Variants in EMC2 observed in about 807,000 individuals in gnomAD.
The protein encoded by EMC2 is ER membrane protein complex subunit 2.
Under a neutral mutation model 51.6 loss-of-function variants are expected in EMC2, and 37 were observed. The ratio of observed to expected loss-of-function variants is 0.72; its 90% CI spans 0.55 to 0.94. The LOEUF (loss-of-function observed/expected upper bound fraction) is 0.94, where lower values mean the gene tolerates loss of function less well. Among genes scored for constraint, EMC2 ranks in the 40% least tolerant of loss-of-function variants. The pLI is 0.00. For missense variants in EMC2, 359 were observed against 350.9 expected (o/e 1.02, Z -0.18); for synonymous variants, 131 against 112.4 (o/e 1.17, Z -1.04).
intron 5 of EMC2, among the ~76,000 whole-genome samples, chr8:108,459,633 C>T (rs1326730029): frequency 6.6e-6 from 1 of 151,500 alleles, no homozygotes; most frequent in Non-Finnish European, 1.5e-5. Flanking sequence ...TGGGTTCTTC[C>T]CATGATGCAA....
chr8:108,470,007 C>T (rs574047734), intron 6 of EMC2, 55 bp from the exon 7 acceptor site: 2 of 1,545,278 alleles, frequency 1.3e-6, no homozygotes, highest in South Asian at 2.2e-5. Context: ...TGTTTTCATG[C>T]TGTTCATTTA....
intron 5 of EMC2, among the ~76,000 whole-genome samples, chr8:108,462,269 G>A (rs1258488669): frequency 6.9e-6 from 1 of 145,746 alleles, no homozygotes; most frequent in Non-Finnish European, 1.5e-5. Flanking sequence ...ATGCAAATGT[G>A]GTATACTCTA....
Position 108,486,560 on chromosome 8 carries a change from G to A in EMC2, c.856G>A (p.Glu286Lys), listed in dbSNP as rs1811143617. The A allele has an allele frequency of 1.2e-5, 19 of 1,601,540 alleles. No individual in the cohort carries two copies. Among genetic ancestry groups the A allele is most frequent in the Non-Finnish European group, 1.4e-5 (17 of 1,175,126 alleles). The change falls in exon 11 of 11, where the codon GAA becomes AAA. Residue 286 changes from glutamate to lysine, a missense_variant. By Grantham distance (56) the Glu-to-Lys change is moderately conservative. Transcript: ENST00000220853. ...AACCAAATATTCTCTTAAGGCTGTC[G>A]AAGACATGTTGGAAACATTGCAGAT... Reference protein sequence around the residue: ...KETKYSLKAVEDMLETLQITQ... With the variant: ...KETKYSLKAVKDMLETLQITQ...
chr8:108,479,620 T>G (rs981967612), intron 10 of EMC2, among the ~76,000 whole-genome samples: 9 of 152,186 alleles, frequency 5.9e-5, no homozygotes, highest in Non-Finnish European at 8.8e-5. Context: ...GAAATTATTT[T>G]TCGTTAGAAA....
intron 5 of EMC2, 103 bp from the exon 6 acceptor site, chr8:108,469,723 A>G (rs1424938433): frequency 1.1e-6 from 1 of 920,470 alleles, no homozygotes; most frequent in Non-Finnish European, 1.7e-6. Context: ...CTACAATGGA[A>G]TTTCTCTGGC....
At position 108,475,733 on chromosome 8, in the gene EMC2, G is replaced by A. The variant is rs1586191193; in HGVS notation, c.510-149G>A. On this transcript the variant is annotated intron_variant, in intron 7 of 10. Coordinates refer to ENST00000220853, the MANE Select transcript of EMC2 (RefSeq NM_014673.5). ...TCATTGATATTTATGAATTTCAGAT[G>A]ACAAATACTTTATTAATAAAGCTAT... 4 of 539,024 alleles carry A rather than the reference G, an allele frequency of 7.4e-6. No homozygotes were observed. In the East Asian group the frequency reaches 9.8e-5, roughly 13 times the overall value. The allele number at this position is 539,024 out of a possible 1,614,324, so 33.4% of individuals were successfully genotyped here.
In EMC2 at chr8:108,481,468, A is replaced by T. The variant is rs920759326; in HGVS notation, c.807+2358A>T. Among the ~76,000 whole-genome samples, 56 of 151,170 alleles carry T rather than the reference A, an allele frequency of 3.7e-4. 1 individual carries two copies. Among genetic ancestry groups the T allele is most frequent in the Non-Finnish European group, 7.5e-4 (51 of 67,688 alleles). On this transcript the variant is annotated intron_variant, in intron 10 of 10. Coordinates refer to ENST00000220853, the MANE Select transcript of EMC2 (RefSeq NM_014673.5). ...GGGTGTGTGTGATTTATGTAATATT[A>T]AAAAAAAAGATTTGTGTAATATAAA...
intron 1 of EMC2, among the ~76,000 whole-genome samples, chr8:108,445,918 C>T (rs916000640): frequency 1.3e-5 from 2 of 152,162 alleles, no homozygotes; most frequent in African/African-American, 4.8e-5. Flanking sequence ...ATCTTAGATA[C>T]AGGTTTTAGT....
intron 7 of EMC2, 66 bp downstream of exon 7, chr8:108,470,187 T>A: frequency 9.0e-7 from 1 of 1,105,944 alleles, no homozygotes. Flanking sequence ...CAGAAAGCAC[T>A]GTGGTTTCCA....
chr8:108,482,737 C>A (rs1249756922), intron 10 of EMC2, among the ~76,000 whole-genome samples: 1 of 152,022 alleles, frequency 6.6e-6, no homozygotes. Flanking sequence ...ACGCATGTCA[C>A]CGTGCTCGGC....
chr8:108,454,561 A>G (rs1819108588), intron 4 of EMC2, among the ~76,000 whole-genome samples: 2 of 152,080 alleles, frequency 1.3e-5, no homozygotes, highest in Non-Finnish European at 1.5e-5. Flanking sequence ...CATAAATCAT[A>G]ATCACCAAAT....
In EMC2 at chr8:108,473,056, A is replaced by T. The variant is rs117567629; in HGVS notation, c.510-2826A>T. On this transcript the variant is annotated intron_variant, in intron 7 of 10. Transcript: ENST00000220853. Reference sequence around the variant, plus strand: ...AATAAATATCTATAGTATAATTTTCATATAGCCCTATTTAATGTTTCTATA... The same window carrying T: ...AATAAATATCTATAGTATAATTTTCTTATAGCCCTATTTAATGTTTCTATA... 5.7e-3 allele frequency among the ~76,000 whole-genome samples: 870 copies of T among 152,132 alleles called. 3 individuals carry two copies. Among genetic ancestry groups the T allele is most frequent in the Non-Finnish European group, 8.7e-3 (594 of 67,966 alleles).
intron 10 of EMC2, among the ~76,000 whole-genome samples, chr8:108,482,515 G>A (rs1811061675): frequency 1.3e-5 from 2 of 152,072 alleles, no homozygotes. Flanking sequence ...TGTGTCTTCA[G>A]AATTTCTATT....
chr8:108,463,477 G>T (rs944114234), intron 5 of EMC2, among the ~76,000 whole-genome samples: 1 of 152,240 alleles, frequency 6.6e-6, no homozygotes, highest in South Asian at 2.1e-4. Context: ...CATTGAGTGG[G>T]AGAGTGCCCA....
intron 1 of EMC2, among the ~76,000 whole-genome samples, chr8:108,448,060 A>AC (rs1182514371): frequency 6.6e-6 from 1 of 152,124 alleles, no homozygotes; most frequent in Non-Finnish European, 1.5e-5. Flanking sequence ...TGGGTGAAAG[A>AC]CAATAGTGGT....
At chr8:108,476,133 A>G (rs1253143177) in intron 8 of EMC2, among the ~76,000 whole-genome samples, 170 bp downstream of exon 8, 2 of 151,884 alleles carry the variant, frequency 1.3e-5, no homozygotes, top group Non-Finnish European at 2.9e-5. Context: ...TTGCAGTGGT[A>G]ATACTGACTT....
intron 5 of EMC2, among the ~76,000 whole-genome samples, chr8:108,462,742 GT>G (rs10536863): frequency 0.04 from 5,939 of 149,054 alleles, 184 homozygotes; most frequent in African/African-American, 0.082. Context: ...TTTTAATATT[GT>G]TTTTTTTTTT....
At chr8:108,448,710 G>A (rs1563690147) in intron 1 of EMC2, among the ~76,000 whole-genome samples, 1 of 152,036 alleles carries the variant, frequency 6.6e-6, no homozygotes, top group African/African-American at 2.4e-5. Context: ...TATCAGCAGT[G>A]GGAAAACGGA....
At chr8:108,457,080 CTT>C (rs1819184637) in intron 5 of EMC2, among the ~76,000 whole-genome samples, 1 of 152,124 alleles carries the variant, frequency 6.6e-6, no homozygotes, top group African/African-American at 2.4e-5. Flanking sequence ...ACAACAGTAA[CTT>C]GATGTCTGTA....
Sources: allele counts gnomAD v4.1 joint callset (sites outside exome capture counted in the v4.1 genomes callset), GRCh38; gene constraint gnomAD v4.1.1; transcripts MANE v1.5; gene names NCBI Gene and HGNC (gene_info 2026-07-23, HGNC 2026-07-21).